Variants in TMEM178B observed in about 807,000 individuals in gnomAD.
TMEM178B encodes the protein transmembrane protein 178B.
Under a neutral mutation model 31.0 loss-of-function variants are expected in TMEM178B, and 5 were observed. The observed-to-expected ratio is 0.16, with a 90% CI of 0.08 to 0.34. The LOEUF (loss-of-function observed/expected upper bound fraction) is 0.34, where lower values mean the gene tolerates loss of function less well. TMEM178B is among the 10% of genes least tolerant of loss of function. The probability of loss-of-function intolerance (pLI) is 1.00; values close to 1 mark genes in which losing one functional copy is unlikely to be tolerated. For synonymous variants in TMEM178B, 164 were observed against 164.0 expected (o/e 1.00, Z 0.00); for missense variants, 275 against 400.3 (o/e 0.69, Z 2.67).
intron 1 of TMEM178B, among the ~76,000 whole-genome samples, chr7:141,132,238 G>A (rs1795606220): frequency 6.6e-6 from 1 of 152,024 alleles, no homozygotes; most frequent in African/African-American, 2.4e-5. Flanking sequence ...GGGCTTCTAA[G>A]GGCAGACTAC....
intron 2 of TMEM178B, among the ~76,000 whole-genome samples, chr7:141,296,074 C>CT (rs139584498): frequency 0.032 from 4,729 of 146,126 alleles, 209 homozygotes; most frequent in East Asian, 0.2. Context: ...GGAAGCAGTA[C>CT]TTTTTTTTTT....
In TMEM178B at chr7:141,183,456, A is replaced by C. The variant is rs1022728119; in HGVS notation, c.383-29135A>C. Reference sequence around the variant, plus strand: ...TGAAATTTTTCTTTGTGTTACCTACAAAAAAGCAGTTACTTATCTGTATTA... The same window carrying C: ...TGAAATTTTTCTTTGTGTTACCTACCAAAAAGCAGTTACTTATCTGTATTA... On this transcript the variant is annotated intron_variant, in intron 1 of 3. Transcript: ENST00000565468. Among the ~76,000 whole-genome samples the C allele has an allele frequency of 3.3e-5, 5 of 152,338 alleles. No homozygotes were observed. The South Asian group carries it at 1.0e-3, about 32-fold the overall frequency.
chr7:141,287,586 A>G (rs1323078331), intron 2 of TMEM178B, among the ~76,000 whole-genome samples: 1 of 152,216 alleles, frequency 6.6e-6, no homozygotes. Flanking sequence ...TTTCATAATT[A>G]ATTCCATTGT....
intron 2 of TMEM178B, among the ~76,000 whole-genome samples, chr7:141,224,897 G>T (rs893302607): frequency 6.6e-6 from 1 of 152,196 alleles, no homozygotes; most frequent in African/African-American, 2.4e-5. Flanking sequence ...GCACTTCTTG[G>T]ATATAGGCAC....
rs527296499 is a variant in TMEM178B at position 141,323,503 on chromosome 7, A to AG, written c.496+110800dup. ...TACATCATTATTTTAAGGGCTGCAT[A>AG]GCGTATCACTTTATGGCTGTATTAT... On this transcript the variant is annotated intron_variant, in intron 2 of 3. Coordinates refer to ENST00000565468, the MANE Select transcript of TMEM178B (RefSeq NM_001195278.2). 1.5e-3 allele frequency among the ~76,000 whole-genome samples: 221 copies of AG among 152,368 alleles called. 3 individuals are homozygous for AG. The highest frequency in any genetic ancestry group is 0.012 in the Admixed American group (191 of 15,302).
rs183620233 is a variant in TMEM178B, at chr7:141,224,098, C to T, written c.496+11394C>T. Among the ~76,000 whole-genome samples, 12 of 152,204 alleles carry T rather than the reference C, an allele frequency of 7.9e-5. No individual in the cohort carries two copies. In the East Asian group the frequency reaches 2.3e-3, roughly 29 times the overall value. On this transcript the variant is annotated intron_variant, in intron 2 of 3. Coordinates refer to ENST00000565468, the MANE Select transcript of TMEM178B (RefSeq NM_001195278.2). ...ATCTGATGTTTTTATAAAGCGTTTC[C>T]CGTTTTGCTTGGCTCTCATTCCCTC... is the stretch of plus-strand genomic sequence containing the variant.
At chr7:141,190,305 C>T (rs938980101) in intron 1 of TMEM178B, among the ~76,000 whole-genome samples, 2 of 151,940 alleles carry the variant, frequency 1.3e-5, no homozygotes, top group Admixed American at 1.3e-4. Context: ...TTGGATATCT[C>T]GTGTAACTTT....
intron 1 of TMEM178B, among the ~76,000 whole-genome samples, chr7:141,175,610 C>T (rs1796420795): frequency 6.6e-6 from 1 of 152,034 alleles, no homozygotes; most frequent in Non-Finnish European, 1.5e-5. Flanking sequence ...AATGTTTTTC[C>T]ATTTGTTTGT....
At chr7:141,400,263 T>A (rs1287593541) in intron 2 of TMEM178B, among the ~76,000 whole-genome samples, 1 of 152,212 alleles carries the variant, frequency 6.6e-6, no homozygotes, top group Non-Finnish European at 1.5e-5. Flanking sequence ...GACAAAGATA[T>A]GTCCAAATGA....
At chr7:141,482,791 A>G (rs1411078926), downstream of TMEM178B, among the ~76,000 whole-genome samples, 2 of 152,116 alleles carry the variant, frequency 1.3e-5, no homozygotes, top group East Asian at 3.9e-4. Context: ...TGTCCCCTCC[A>G]GTGGATTTCA....
intron 2 of TMEM178B, among the ~76,000 whole-genome samples, chr7:141,247,365 A>G (rs567159268): frequency 6.6e-6 from 1 of 152,186 alleles, no homozygotes; most frequent in African/African-American, 2.4e-5. Flanking sequence ...AGCTTCCTGG[A>G]AAATAATGCA....
At chr7:141,126,724 G>A (rs1348240712) in intron 1 of TMEM178B, among the ~76,000 whole-genome samples, 3 of 152,122 alleles carry the variant, frequency 2.0e-5, no homozygotes, top group Non-Finnish European at 4.4e-5. Context: ...GTTTATATCC[G>A]TGGGCACTTG....
At chr7:141,406,585 A>G (rs901655027) in intron 2 of TMEM178B, among the ~76,000 whole-genome samples, 1 of 152,232 alleles carries the variant, frequency 6.6e-6, no homozygotes, top group African/African-American at 2.4e-5. Flanking sequence ...TGCTGGATCA[A>G]AAGGACCATA....
chr7:141,434,835 A>T (rs750000375), intron 2 of TMEM178B, among the ~76,000 whole-genome samples: 3 of 152,232 alleles, frequency 2.0e-5, no homozygotes, highest in Non-Finnish European at 4.4e-5. Context: ...TTTAGGTCTC[A>T]CATATGAGTG....
intron 3 of TMEM178B, among the ~76,000 whole-genome samples, chr7:141,440,191 G>C (rs1428838757): frequency 1.3e-5 from 2 of 152,226 alleles, no homozygotes; most frequent in African/African-American, 4.8e-5. Flanking sequence ...CCTCCCAAAA[G>C]CACAGGGCTC....
downstream of TMEM178B, among the ~76,000 whole-genome samples, chr7:141,483,783 T>C (rs1255812191): frequency 2.6e-5 from 4 of 151,364 alleles, no homozygotes; most frequent in African/African-American, 9.7e-5. Context: ...TCGCCCAGGC[T>C]GGAGTGCAGT....
At chr7:141,332,183 G>A (rs938317692) in intron 2 of TMEM178B, among the ~76,000 whole-genome samples, 1 of 152,150 alleles carries the variant, frequency 6.6e-6, no homozygotes, top group Non-Finnish European at 1.5e-5. Flanking sequence ...AAACTTTCAT[G>A]CATAGTTTTG....
At chr7:141,163,209 C>T (rs551240762) in intron 1 of TMEM178B, among the ~76,000 whole-genome samples, 1 of 152,308 alleles carries the variant, frequency 6.6e-6, no homozygotes, top group Admixed American at 6.5e-5. Context: ...TACTTATCCC[C>T]CTACCAGAAC....
chr7:141,493,807 T>C, the TMEM178B span, among the ~76,000 whole-genome samples: 243 of 151,394 alleles, frequency 1.6e-3, 1 homozygote, highest in African/African-American at 5.7e-3. Flanking sequence ...TAGATTTTGA[T>C]GGAATATACA....
Sources: gnomAD v4.1 joint callset for allele counts (sites outside exome capture counted in the v4.1 genomes callset) on GRCh38, gnomAD v4.1.1 for gene constraint, MANE v1.5 for transcripts, NCBI Gene and HGNC (gene_info 2026-07-23, HGNC 2026-07-21) for gene names.